The following CELA3B variants were observed in gnomAD, a reference collection of about 807,000 sequenced individuals.
CELA3B encodes chymotrypsin-like elastase family member 3B.
Under a neutral mutation model 37.2 loss-of-function variants are expected in CELA3B, and 34 were observed. The observed-to-expected ratio is 0.91, with a 90% CI of 0.70 to 1.22. The LOEUF is 1.22. Among genes scored for constraint, CELA3B ranks in the 50% most tolerant of loss-of-function variants. CELA3B has a pLI of 0.00. For missense variants in CELA3B, 340 were observed against 363.1 expected (o/e 0.94, Z 0.52); for synonymous variants, 127 against 143.5 (o/e 0.89, Z 0.82).
chr1:21,987,696 T>A (rs1340401420), intron 7 of CELA3B: 2 of 150,022 alleles, frequency 1.3e-5, no homozygotes, highest in African/African-American at 5.0e-5. Flanking sequence ...AGGTCAAAAC[T>A]CACATGCTGA....
At chr1:21,997,883 T>A (rs972006915) in intron 4 of CELA3B, among the ~76,000 whole-genome samples, 5 of 151,356 alleles carry the variant, frequency 3.3e-5, no homozygotes, top group African/African-American at 1.2e-4. Context: ...GATAATGTGA[T>A]AGTCATGAAG....
downstream of CELA3B, among the ~76,000 whole-genome samples, chr1:21,991,480 C>T (rs1442813689): frequency 4.6e-5 from 7 of 150,722 alleles, 1 homozygote; most frequent in Admixed American, 1.3e-4. Flanking sequence ...GGACTACAGG[C>T]GCATGCCACC....
At chr1:21,981,943 T>C (rs1644807880) in intron 4 of CELA3B, among the ~76,000 whole-genome samples, 1 of 152,072 alleles carries the variant, frequency 6.6e-6, no homozygotes, top group South Asian at 2.1e-4. Context: ...GCCAGGATGA[T>C]CTCGATCTCC....
chr1:21,984,272 G>A lies in CELA3B; in HGVS notation c.583G>A (p.Gly195Ser), dbSNP rs1644824794. Residue 195 changes from glycine (G) to serine (S), a missense_variant, in exon 6 of 8, where the codon GGT (glycine) becomes AGT (serine). Physicochemically the swap from Gly to Ser is moderately conservative, Grantham distance 56 (BLOSUM62 0). Coordinates refer to ENST00000337107, the MANE Select transcript of CELA3B (RefSeq NM_007352.4). ...YEHCSRWNWW[G>S]SSVKKTMVCA... ...ACACTGCTCCAGGTGGAACTGGTGG[G>A]GTTCCTCCGTGAAGAAGACCATGGT... The A allele has an allele frequency of 6.2e-7, 1 of 1,614,188 alleles. No homozygotes were observed. Among genetic ancestry groups the A allele is most frequent in the Non-Finnish European group, 8.5e-7 (1 of 1,180,030 alleles).
intron 4 of CELA3B, among the ~76,000 whole-genome samples, 156 bp from the exon 5 acceptor site, chr1:21,983,538 C>CCAT (rs1553186165): frequency 2.6e-5 from 2 of 77,970 alleles, no homozygotes; most frequent in Admixed American, 1.8e-4. Flanking sequence ...GACTCTGTCT[C>CCAT]AATAATAATA....
downstream of CELA3B, among the ~76,000 whole-genome samples, chr1:21,992,213 G>A (rs540051620): frequency 1.3e-5 from 2 of 151,716 alleles, no homozygotes; most frequent in South Asian, 2.1e-4. Flanking sequence ...CATGTTCACT[G>A]TGGGGTGGAG....
rs753024020 is a variant in CELA3B, at chr1:21,980,889, C to G, written c.195C>G (p.Pro65=). 1 of 1,613,038 alleles carries G rather than the reference C, an allele frequency of 6.2e-7. No individual in the cohort carries two copies. Among genetic ancestry groups the G allele is most frequent in the South Asian group, 1.1e-5 (1 of 90,976 alleles). Residue 65 remains proline, a synonymous_variant, in exon 3 of 8, where the codon CCC becomes CCG. Coordinates refer to ENST00000337107, the MANE Select transcript of CELA3B (RefSeq NM_007352.4). ...CCTGTGGCGGTAGCCTCATCGCCCC[C>G]GACTGGGTTGTGACTGCCGGCCACT... The part of the protein sequence containing the change: ...YHTCGGSLIA[P]DWVVTAGHCI...
At chr1:21,981,458 C>T (rs1447352614) in intron 4 of CELA3B, among the ~76,000 whole-genome samples, 1 of 151,752 alleles carries the variant, frequency 6.6e-6, no homozygotes, top group African/African-American at 2.4e-5. Context: ...CAGGGTTCCT[C>T]TGGCATCCTT....
chr1:21,988,940 C>T (rs1644856489), intron 7 of CELA3B, among the ~76,000 whole-genome samples: 1 of 151,636 alleles, frequency 6.6e-6, no homozygotes, highest in South Asian at 2.1e-4. Context: ...TACATACATA[C>T]ATACATACAT....
chr1:21,977,153 C>T (rs1388376850), intron 1 of CELA3B, 71 bp downstream of exon 1: 71 of 1,603,524 alleles, frequency 4.4e-5, no homozygotes, highest in South Asian at 7.7e-5. Flanking sequence ...CTACCACTTG[C>T]TCTAAGTCCC....
intron 4 of CELA3B, among the ~76,000 whole-genome samples, chr1:21,996,378 A>T (rs895196215): frequency 6.6e-6 from 1 of 151,184 alleles, no homozygotes; most frequent in Non-Finnish European, 1.5e-5. Flanking sequence ...AAAGATAGCC[A>T]TGAGAGTGAC....
chr1:21,986,105 G>A (rs975692462), intron 6 of CELA3B, among the ~76,000 whole-genome samples: 1 of 147,136 alleles, frequency 6.8e-6, no homozygotes, highest in South Asian at 2.3e-4. Context: ...TGGGCGTGGT[G>A]GCTCACACCC....
At chr1:21,982,425 T>A (rs534465436) in intron 4 of CELA3B, among the ~76,000 whole-genome samples, 15 of 79,422 alleles carry the variant, frequency 1.9e-4, no homozygotes, top group South Asian at 1.6e-3. Flanking sequence ...TGAAACCCCA[T>A]CTCTACTAAA....
chr1:21,982,479 C>A (rs1047883050), intron 4 of CELA3B, among the ~76,000 whole-genome samples: 2 of 151,920 alleles, frequency 1.3e-5, no homozygotes, highest in African/African-American at 4.8e-5. Context: ...CACCTATAAT[C>A]CCAGCTACTC....
At chr1:21,981,764 C>G (rs191031749) in intron 4 of CELA3B, among the ~76,000 whole-genome samples, 3 of 150,862 alleles carry the variant, frequency 2.0e-5, no homozygotes, top group Admixed American at 2.0e-4. Flanking sequence ...CTCGCTCTGT[C>G]GCCCAGGCTG....
At chr1:21,989,734 T>G (rs1359433978), downstream of CELA3B, among the ~76,000 whole-genome samples, 1 of 150,584 alleles carries the variant, frequency 6.6e-6, no homozygotes, top group African/African-American at 2.5e-5. Flanking sequence ...GGAAGGACAA[T>G]GTGTGATCTG....
intron 6 of CELA3B, among the ~76,000 whole-genome samples, chr1:21,985,652 G>A (rs917432305): frequency 1.3e-5 from 2 of 151,776 alleles, no homozygotes; most frequent in Non-Finnish European, 2.9e-5. Context: ...AGCACTTTGG[G>A]AGGCCGAGCC....
intron 1 of CELA3B, 130 bp downstream of exon 1, chr1:21,977,212 G>A (rs1246346740): frequency 1.0e-5 from 14 of 1,361,648 alleles, no homozygotes; most frequent in East Asian, 4.6e-5. Context: ...GCTTGTACCC[G>A]GGGGCATGAC....
chr1:21,979,158 T>C (rs79051226), intron 2 of CELA3B, among the ~76,000 whole-genome samples: 136,903 of 151,258 alleles, frequency 0.91, 62,744 homozygotes, highest in Non-Finnish European at 0.98. Context: ...CTGCAACCTC[T>C]GCCACCCGGG....
Sources: gnomAD v4.1 joint callset for allele counts (sites outside exome capture counted in the v4.1 genomes callset) on GRCh38, gnomAD v4.1.1 for gene constraint, MANE v1.5 for transcripts, NCBI Gene and HGNC (gene_info 2026-07-23, HGNC 2026-07-21) for gene names.